The following FSTL4 variants were observed in gnomAD, a reference collection of about 807,000 sequenced individuals.
FSTL4 encodes the protein follistatin-related protein 4.
FSTL4 carries 28 observed loss-of-function variants against 78.2 expected under a neutral mutation model. The observed-to-expected ratio is 0.36, with a 90% CI of 0.27 to 0.49. The LOEUF (loss-of-function observed/expected upper bound fraction) is 0.49, where lower values mean the gene tolerates loss of function less well. Among genes scored for constraint, FSTL4 ranks in the 20% least tolerant of loss-of-function variants. FSTL4 has a pLI of 0.98. For synonymous variants in FSTL4, 422 were observed against 440.5 expected (o/e 0.96, Z 0.53); for missense variants, 922 against 1,084.9 (o/e 0.85, Z 2.11).
intron 6 of FSTL4, among the ~76,000 whole-genome samples, chr5:133,311,807 T>C (rs1327648564): frequency 6.6e-6 from 1 of 152,162 alleles, no homozygotes; most frequent in African/African-American, 2.4e-5. Context: ...CACCCAAGGG[T>C]ATATGCATTG....
At chr5:133,525,494 T>C (rs182559949) in intron 3 of FSTL4, among the ~76,000 whole-genome samples, 1 of 152,314 alleles carries the variant, frequency 6.6e-6, no homozygotes, top group East Asian at 1.9e-4. Flanking sequence ...GCTTTCTCAT[T>C]TGATGGTGAG....
At chr5:133,602,318 G>T (rs1321309758) in intron 2 of FSTL4, among the ~76,000 whole-genome samples, 1 of 152,102 alleles carries the variant, frequency 6.6e-6, no homozygotes, top group Non-Finnish European at 1.5e-5. Context: ...ACCAGCATCT[G>T]CTCCTTCTTG....
intron 3 of FSTL4, among the ~76,000 whole-genome samples, chr5:133,431,365 C>A (rs184623423): frequency 5.9e-5 from 9 of 152,296 alleles, no homozygotes; most frequent in Admixed American, 3.9e-4. Flanking sequence ...AATGGAACAG[C>A]CAAGACTTGA....
the FSTL4 span, among the ~76,000 whole-genome samples, chr5:133,786,065 C>A: frequency 1.3e-5 from 2 of 152,208 alleles, no homozygotes; most frequent in African/African-American, 4.8e-5. Flanking sequence ...AGAGAAAAAA[C>A]TTCAGCATCC....
intron 3 of FSTL4, among the ~76,000 whole-genome samples, chr5:133,490,473 T>C (rs28716445): frequency 0.012 from 1,889 of 152,222 alleles, 40 homozygotes; most frequent in African/African-American, 0.044. Context: ...ATTTTTAAAG[T>C]TTGAGATGAA....
rs757047072 is a variant in FSTL4, at chr5:133,217,292, A to G, written c.1545T>C (p.Tyr515=). 1.2e-6 allele frequency: 2 copies of G among 1,614,176 alleles called. No individual in the cohort carries two copies. The highest frequency in any genetic ancestry group is 1.3e-5 in the African/African-American group (1 of 75,074). The change falls in exon 13 of 16, where the codon TAT becomes TAC. Residue 515 remains tyrosine, a synonymous_variant. Transcript: ENST00000265342. ...SAVNVRNRYI[Y]VAQPALSRVL... ...CTCTGCTCAGTGCTGGCTGGGCCAC[A>G]TAGATGTACCGGTTCCGGACATTGA... is the stretch of plus-strand genomic sequence containing the variant.
In FSTL4 at chr5:133,361,914, G is replaced by A. The variant is rs1305306329; in HGVS notation, c.409+38824C>T. Among the ~76,000 whole-genome samples the A allele has an allele frequency of 2.6e-5, 4 of 152,278 alleles. No homozygotes were observed. The highest frequency in any genetic ancestry group is 1.9e-4 in the East Asian group (1 of 5,188). Reference sequence around the variant, plus strand: ...TTTGGATATCCCATTGGATATTCACGTAGTTGAAAACATATTTATAATTAT... The same window carrying A: ...TTTGGATATCCCATTGGATATTCACATAGTTGAAAACATATTTATAATTAT... On this transcript the variant is annotated intron_variant, in intron 4 of 15. Transcript: ENST00000265342. The surrounding 1 kb of genome is among the most constrained non-coding windows in gnomAD (Gnocchi z 4.3).
chr5:133,529,492 CA>C (rs1199443605), intron 3 of FSTL4, among the ~76,000 whole-genome samples: 1 of 152,200 alleles, frequency 6.6e-6, no homozygotes, highest in Non-Finnish European at 1.5e-5. Context: ...TTCTTGAGCA[CA>C]CACTGACATA....
In FSTL4 at chr5:133,330,028, T is replaced by C. The variant is rs1236585010; in HGVS notation, c.410-13376A>G. ...ATTCACCATTTTGGAGAATCCCATCTCTAAAGCGACAACACTTGAATATTC... is the reference window on the plus strand; with the variant it reads ...ATTCACCATTTTGGAGAATCCCATCCCTAAAGCGACAACACTTGAATATTC... On this transcript the variant is annotated intron_variant, in intron 4 of 15. Coordinates refer to ENST00000265342, the MANE Select transcript of FSTL4 (RefSeq NM_015082.2). Among the ~76,000 whole-genome samples the C allele has an allele frequency of 2.0e-5, 3 of 152,192 alleles. No individual in the cohort carries two copies. The East Asian group carries it at 5.8e-4, about 29-fold the overall frequency.
At chr5:133,335,855 C>A (rs1754452711) in intron 4 of FSTL4, among the ~76,000 whole-genome samples, 1 of 152,042 alleles carries the variant, frequency 6.6e-6, no homozygotes, top group Non-Finnish European at 1.5e-5. Flanking sequence ...AATTATTATA[C>A]CCACCACACC....
rs1751288738 is a variant in FSTL4 at position 133,225,203 on chromosome 5, C to G, written c.1259G>C (p.Gly420Ala). 6.2e-7 allele frequency: 1 copy of G among 1,614,068 alleles called. No individual in the cohort carries two copies. Among genetic ancestry groups the G allele is most frequent in the South Asian group, 1.1e-5 (1 of 91,086 alleles). ...AYTCIAKNEV[G>A]VDEDISSLFI... ...GAGCGAGGAGATATCTTCATCCACACCCACTTCATTTTTGGCAATGCAGGT... is the reference window on the plus strand; with the variant it reads ...GAGCGAGGAGATATCTTCATCCACAGCCACTTCATTTTTGGCAATGCAGGT... Residue 420 changes from glycine to alanine, a missense_variant, in exon 10 of 16, where the codon GGT (glycine) becomes GCT (alanine). Gly to Ala is a moderately conservative substitution (Grantham distance 60, BLOSUM62 0). Coordinates refer to ENST00000265342, the MANE Select transcript of FSTL4 (RefSeq NM_015082.2). This position sits in a 1 kb window ranked among gnomAD's most constrained non-coding sequence, Gnocchi z 4.6.
At chr5:133,561,283 C>T (rs2112938089) in intron 3 of FSTL4, among the ~76,000 whole-genome samples, 1 of 152,162 alleles carries the variant, frequency 6.6e-6, no homozygotes, top group African/African-American at 2.4e-5. Context: ...ATTACCCATG[C>T]ACTGAGCACT....
intron 3 of FSTL4, among the ~76,000 whole-genome samples, chr5:133,424,433 T>C (rs1261714556): frequency 6.6e-6 from 1 of 152,174 alleles, no homozygotes; most frequent in Non-Finnish European, 1.5e-5. Context: ...GGAGATGATA[T>C]TTGTATTCAA....
intron 2 of FSTL4, among the ~76,000 whole-genome samples, chr5:133,570,223 A>C (rs1760122260): frequency 6.6e-6 from 1 of 152,008 alleles, no homozygotes; most frequent in South Asian, 2.1e-4. Flanking sequence ...AAAACAAAAA[A>C]CAAGAAATTA....
intron 6 of FSTL4, among the ~76,000 whole-genome samples, chr5:133,310,357 A>G (rs1222663559): frequency 1.3e-5 from 2 of 152,254 alleles, no homozygotes; most frequent in African/African-American, 2.4e-5. Context: ...AAGGGAGCTG[A>G]CACCACATTG....
At chr5:133,601,353 A>T (rs1301938846) in intron 2 of FSTL4, among the ~76,000 whole-genome samples, 1 of 152,260 alleles carries the variant, frequency 6.6e-6, no homozygotes, top group Non-Finnish European at 1.5e-5. Flanking sequence ...ATGCTAACGT[A>T]AAAATAAAAG....
the FSTL4 span, among the ~76,000 whole-genome samples, chr5:133,764,551 C>T: frequency 6.6e-6 from 1 of 152,078 alleles, no homozygotes; most frequent in African/African-American, 2.4e-5. Flanking sequence ...TAGACTTTCT[C>T]CCCCAAAACA....
chr5:133,819,448 G>A, the FSTL4 span, among the ~76,000 whole-genome samples: 1 of 152,158 alleles, frequency 6.6e-6, no homozygotes, highest in East Asian at 1.9e-4. Flanking sequence ...GCTCTCAGGA[G>A]CCTCTCTGAC....
At chr5:133,657,740 A>C in the FSTL4 span, among the ~76,000 whole-genome samples, 1 of 150,940 alleles carries the variant, frequency 6.6e-6, no homozygotes, top group Admixed American at 6.6e-5. Context: ...TGCATTACTA[A>C]ATGTAAATCT....
Sources: gnomAD v4.1 joint callset for allele counts (sites outside exome capture counted in the v4.1 genomes callset) on GRCh38, gnomAD v4.1.1 for gene constraint, Gnocchi (gnomAD v3.1) non-coding constraint, MANE v1.5 for transcripts, NCBI Gene and HGNC (gene_info 2026-07-23, HGNC 2026-07-21) for gene names.